SYT1: variants seen among roughly 807,000 people sequenced by gnomAD.
The protein encoded by SYT1 is synaptotagmin-1.
Under a neutral mutation model 44.8 loss-of-function variants are expected in SYT1, and 8 were observed. The observed-to-expected ratio is 0.18, with a 90% CI of 0.10 to 0.32. SYT1 has a LOEUF of 0.32. SYT1 is among the 10% of genes least tolerant of loss of function. The probability of loss-of-function intolerance (pLI) is 1.00; values close to 1 mark genes in which losing one functional copy is unlikely to be tolerated. For missense variants in SYT1, 286 were observed against 509.3 expected (o/e 0.56, Z 4.22); for synonymous variants, 154 against 188.8 (o/e 0.82, Z 1.51).
chr12:79,244,671 T>C (rs748771266), intron 4 of SYT1, among the ~76,000 whole-genome samples: 8 of 146,040 alleles, frequency 5.5e-5, no homozygotes, highest in Non-Finnish European at 1.0e-4. Flanking sequence ...GCCACTGCAC[T>C]CCAGCCTGGA....
chr12:79,381,577 T>C (rs1181941814), intron 9 of SYT1, among the ~76,000 whole-genome samples: 1 of 152,192 alleles, frequency 6.6e-6, no homozygotes, highest in Non-Finnish European at 1.5e-5. Context: ...TGTACTACTT[T>C]TACCTGTAGA....
At chr12:79,321,251 G>A (rs954581125) in intron 8 of SYT1, among the ~76,000 whole-genome samples, 1 of 152,140 alleles carries the variant, frequency 6.6e-6, no homozygotes, top group African/African-American at 2.4e-5. Flanking sequence ...TCAAAAGTTT[G>A]CCTTACTCCA....
At chr12:79,278,211 A>G (rs890386953) in intron 4 of SYT1, among the ~76,000 whole-genome samples, 1 of 152,124 alleles carries the variant, frequency 6.6e-6, no homozygotes, top group Non-Finnish European at 1.5e-5. Flanking sequence ...CAGCATATAC[A>G]TACTTCTCAT....
chr12:79,369,847 A>T (rs567337584), intron 9 of SYT1, among the ~76,000 whole-genome samples: 2 of 152,236 alleles, frequency 1.3e-5, no homozygotes, highest in Non-Finnish European at 2.9e-5. Context: ...ATCATCTTGC[A>T]TGCTGCAAGA....
chr12:79,291,095 T>C (rs920465813), intron 5 of SYT1, among the ~76,000 whole-genome samples: 2 of 152,196 alleles, frequency 1.3e-5, no homozygotes, highest in African/African-American at 4.8e-5. Flanking sequence ...ACATTATATA[T>C]TTTGATTTTT....
intron 1 of SYT1, among the ~76,000 whole-genome samples, chr12:78,940,087 T>TA (rs1878269373): frequency 6.6e-6 from 1 of 152,198 alleles, no homozygotes; most frequent in African/African-American, 2.4e-5. Context: ...GCCATCTCTC[T>TA]ACTTAAATGA....
chr12:79,328,751 C>A (rs1881720045), intron 8 of SYT1, among the ~76,000 whole-genome samples: 1 of 150,880 alleles, frequency 6.6e-6, no homozygotes, highest in Non-Finnish European at 1.5e-5. Flanking sequence ...GAGGCTGAGG[C>A]AGGAGAATGG....
At chr12:79,234,861 C>T (rs935010716) in intron 4 of SYT1, among the ~76,000 whole-genome samples, 6 of 152,054 alleles carry the variant, frequency 3.9e-5, no homozygotes, top group Non-Finnish European at 8.8e-5. Flanking sequence ...CAGGCACATG[C>T]CACCATGCCC....
At chr12:79,299,131 C>T (rs1880008336) in intron 7 of SYT1, among the ~76,000 whole-genome samples, 1 of 152,004 alleles carries the variant, frequency 6.6e-6, no homozygotes, top group African/African-American at 2.4e-5. Context: ...ACAGCAGGAT[C>T]CATTATTAAT....
chr12:78,925,052 GTT>G lies in SYT1; in HGVS notation c.-216-52745_-216-52744del, dbSNP rs1317583370. Among the ~76,000 whole-genome samples, 266 of 151,862 alleles carry G rather than the reference GTT, an allele frequency of 1.8e-3. 1 individual carries two copies. The highest frequency in any genetic ancestry group is 6.2e-3 in the African/African-American group (258 of 41,492). On this transcript the variant is annotated intron_variant, in intron 1 of 10. Coordinates refer to ENST00000261205, the MANE Select transcript of SYT1 (RefSeq NM_005639.3). ...TATAAAGGCATATATATTTATACAT[GTT>G]TATGAGTATATGTGTCACTACATAT...
chr12:79,438,062 G>T (rs1870192800), intron 9 of SYT1, among the ~76,000 whole-genome samples: 1 of 152,078 alleles, frequency 6.6e-6, no homozygotes. Context: ...GGAAAAGAGA[G>T]AATTTCTGGG....
At chr12:78,973,941 ATATATAT>A (rs1565744022) in intron 1 of SYT1, among the ~76,000 whole-genome samples, 57 of 10,700 alleles carry the variant, frequency 5.3e-3, no homozygotes, top group South Asian at 6.6e-3. Context: ...AAAAAAAAAT[ATATATAT>A]ATATATATAT....
intron 1 of SYT1, among the ~76,000 whole-genome samples, chr12:78,947,859 A>G (rs912507038): frequency 3.9e-5 from 6 of 151,916 alleles, no homozygotes; most frequent in African/African-American, 1.4e-4. Context: ...AAAAAAGCCA[A>G]TATAAGTCTT....
intron 2 of SYT1, among the ~76,000 whole-genome samples, chr12:79,031,815 G>C (rs1252709105): frequency 6.6e-6 from 1 of 150,534 alleles, no homozygotes; most frequent in African/African-American, 2.5e-5. Context: ...GAAATGTCTA[G>C]AATATATGCC....
At chr12:79,418,342 C>T (rs927949906) in intron 9 of SYT1, among the ~76,000 whole-genome samples, 3 of 152,130 alleles carry the variant, frequency 2.0e-5, no homozygotes, top group African/African-American at 7.2e-5. Context: ...GTTACACTAA[C>T]TTTTTAGCTC....
chr12:78,959,070 T>C (rs1371579652), intron 1 of SYT1, among the ~76,000 whole-genome samples: 12 of 152,130 alleles, frequency 7.9e-5, no homozygotes, highest in Non-Finnish European at 1.5e-5. Flanking sequence ...GGAAGCCCAT[T>C]TGCATTCAGC....
rs576755245 is a variant in SYT1 at position 79,149,179 on chromosome 12, TAAC to T, written c.-17-68322_-17-68320del. On this transcript the variant is annotated intron_variant, in intron 3 of 10. Coordinates refer to ENST00000261205, the MANE Select transcript of SYT1 (RefSeq NM_005639.3). ...TGACTTGACTACATTCTGTTTTCAT[TAAC>T]ATTTTCTATTTGACCTTTTGAATTA... Among the ~76,000 whole-genome samples, 216 of 152,208 alleles carry T rather than the reference TAAC, an allele frequency of 1.4e-3. 1 individual carries two copies. Among genetic ancestry groups the T allele is most frequent in the African/African-American group, 5.1e-3 (210 of 41,578 alleles).
chr12:79,422,313 ATCTT>A (rs1451230332), intron 9 of SYT1, among the ~76,000 whole-genome samples: 6 of 151,860 alleles, frequency 4.0e-5, no homozygotes, highest in Admixed American at 3.9e-4. Flanking sequence ...AGGGAGTTTC[ATCTT>A]TCTTTTGCAT....
At chr12:78,945,933 A>C (rs1027391335) in intron 1 of SYT1, among the ~76,000 whole-genome samples, 1 of 152,142 alleles carries the variant, frequency 6.6e-6, no homozygotes, top group African/African-American at 2.4e-5. Context: ...GGGAAATAAA[A>C]GAAGTCTAGT....
Sources: gnomAD v4.1 joint callset for allele counts (sites outside exome capture counted in the v4.1 genomes callset) on GRCh38, gnomAD v4.1.1 for gene constraint, MANE v1.5 for transcripts, NCBI Gene and HGNC (gene_info 2026-07-23, HGNC 2026-07-21) for gene names.